Variants in PSD3 observed in about 807,000 individuals in gnomAD.
PSD3 encodes PH and SEC7 domain-containing protein 3.
Under a neutral mutation model 105.5 loss-of-function variants are expected in PSD3, and 49 were observed. The observed-to-expected ratio is 0.46, with a 90% CI of 0.37 to 0.59. PSD3 has a LOEUF of 0.59. PSD3 is among the 20% of genes least tolerant of loss of function. PSD3 has a pLI of 0.00. For synonymous variants in PSD3, 557 were observed against 457.8 expected (o/e 1.22, Z -2.77); for missense variants, 1,561 against 1,263.8 (o/e 1.24, Z -3.57).
rs145624628 is a variant in PSD3 at position 19,022,583 on chromosome 8, G to A, written c.324+61623C>T. ...GGTCAACCCTCTCACTCTAGGTTTC[G>A]TGGGAAGAAGCAACCTCCATTGGTT... On this transcript the variant is annotated intron_variant, in intron 1 of 1. Transcript: ENST00000521475. Among the ~76,000 whole-genome samples the A allele has an allele frequency of 1.7e-3, 262 of 152,304 alleles. 2 individuals carry two copies. The highest frequency in any genetic ancestry group is 0.013 in the South Asian group (62 of 4,826).
chr8:18,769,679 T>C (rs907177608), intron 8 of PSD3, among the ~76,000 whole-genome samples: 8 of 152,204 alleles, frequency 5.3e-5, no homozygotes, highest in African/African-American at 1.9e-4. Context: ...CAAATCTGCA[T>C]TTTCTTTATA....
chr8:18,614,215 G>C (rs1805483210), intron 11 of PSD3, among the ~76,000 whole-genome samples: 1 of 152,038 alleles, frequency 6.6e-6, no homozygotes, highest in Non-Finnish European at 1.5e-5. Context: ...CTTTGGGTCA[G>C]TTAACAGCTG....
chr8:18,679,597 G>A (rs1800268639), intron 9 of PSD3, among the ~76,000 whole-genome samples: 1 of 152,214 alleles, frequency 6.6e-6, no homozygotes, highest in South Asian at 2.1e-4. Context: ...AAAATTAACA[G>A]TGTTCAGAAC....
At chr8:18,796,000 C>G (rs926245917) in intron 8 of PSD3, among the ~76,000 whole-genome samples, 1 of 152,032 alleles carries the variant, frequency 6.6e-6, no homozygotes, top group Non-Finnish European at 1.5e-5. Context: ...GATAAAGAGG[C>G]ATTTCAAAAA....
chr8:19,022,355 C>A (rs1187865360), intron 1 of PSD3, among the ~76,000 whole-genome samples: 5 of 152,218 alleles, frequency 3.3e-5, no homozygotes, highest in Non-Finnish European at 7.3e-5. Flanking sequence ...TGGAACATTT[C>A]TTCCTGCTGA....
intron 4 of PSD3, among the ~76,000 whole-genome samples, chr8:18,851,268 AAAC>A (rs1388817120): frequency 5.9e-5 from 9 of 152,366 alleles, no homozygotes; most frequent in Admixed American, 5.9e-4. Context: ...CATAGCTGGT[AAAC>A]AACAAGGCCG....
intron 1 of PSD3, among the ~76,000 whole-genome samples, chr8:18,994,683 C>A (rs373381968): frequency 4.3e-4 from 66 of 151,890 alleles, no homozygotes; most frequent in African/African-American, 1.6e-3. Context: ...AAATATATTA[C>A]CTACATTACT....
chr8:18,646,506 T>C (rs995993703), intron 10 of PSD3, among the ~76,000 whole-genome samples: 1 of 152,098 alleles, frequency 6.6e-6, no homozygotes, highest in Admixed American at 6.5e-5. Context: ...AGGATGTAAG[T>C]TCAATTCTAA....
chr8:18,906,971 T>C (rs1356080964), intron 2 of PSD3, among the ~76,000 whole-genome samples: 1 of 152,060 alleles, frequency 6.6e-6, no homozygotes. Context: ...AAAGAAAATA[T>C]AAAAACTAAA....
intron 14 of PSD3, among the ~76,000 whole-genome samples, chr8:18,561,652 C>T (rs777516068): frequency 6.6e-6 from 1 of 152,044 alleles, no homozygotes; most frequent in Non-Finnish European, 1.5e-5. Flanking sequence ...ACAATTATAC[C>T]TGGAAATACA....
chr8:19,052,201 C>T (rs1339029826), intron 1 of PSD3, among the ~76,000 whole-genome samples: 26 of 152,074 alleles, frequency 1.7e-4, no homozygotes, highest in Non-Finnish European at 1.2e-4. Flanking sequence ...TGGCCGGGCA[C>T]GGTGGCTCAC....
intron 1 of PSD3, among the ~76,000 whole-genome samples, chr8:19,033,594 G>A (rs1363341138): frequency 7.5e-6 from 1 of 133,648 alleles, no homozygotes; most frequent in Non-Finnish European, 1.6e-5. Context: ...TACCATTTAT[G>A]TTTAGCCCTT....
At chr8:18,605,136 G>A (rs909410688) in intron 11 of PSD3, among the ~76,000 whole-genome samples, 3 of 152,140 alleles carry the variant, frequency 2.0e-5, no homozygotes, top group African/African-American at 7.2e-5. Flanking sequence ...TAGAGCCACT[G>A]ACAGCTTGCA....
At chr8:18,614,656 A>G (rs1036020869) in intron 11 of PSD3, among the ~76,000 whole-genome samples, 2 of 152,128 alleles carry the variant, frequency 1.3e-5, no homozygotes, top group Non-Finnish European at 2.9e-5. Flanking sequence ...AACAAATGAC[A>G]TTTCATATAC....
At chr8:18,615,935 TC>T (rs1805627416) in intron 11 of PSD3, among the ~76,000 whole-genome samples, 3 of 152,238 alleles carry the variant, frequency 2.0e-5, no homozygotes, top group Admixed American at 2.0e-4. Context: ...TTAAAATGCC[TC>T]CGGGCAAAAA....
chr8:18,916,339 TATATATATATACAC>T (rs1820596687), intron 2 of PSD3, among the ~76,000 whole-genome samples: 1 of 45,490 alleles, frequency 2.2e-5, no homozygotes, highest in Non-Finnish European at 3.9e-5. Context: ...TATATATATA[TATATATATATACAC>T]ACACACACAC....
At chr8:18,783,824 G>A (rs1192610835) in intron 8 of PSD3, among the ~76,000 whole-genome samples, 3 of 152,124 alleles carry the variant, frequency 2.0e-5, no homozygotes, top group African/African-American at 7.2e-5. Flanking sequence ...AAGTAGAGAT[G>A]GCATTTCACC....
chr8:18,751,379 T>A (rs1222530848), intron 9 of PSD3, among the ~76,000 whole-genome samples: 1 of 152,172 alleles, frequency 6.6e-6, no homozygotes, highest in Non-Finnish European at 1.5e-5. Context: ...TCAAAAGACA[T>A]CACCAGAGGA....
At chr8:18,958,704 T>G (rs780328701) in intron 1 of PSD3, among the ~76,000 whole-genome samples, 1 of 152,176 alleles carries the variant, frequency 6.6e-6, no homozygotes, top group Non-Finnish European at 1.5e-5. Context: ...AAAACCCATA[T>G]GGTTAGCAGA....
Sources: gnomAD v4.1 joint callset for allele counts (sites outside exome capture counted in the v4.1 genomes callset) on GRCh38, gnomAD v4.1.1 for gene constraint, MANE v1.5 for transcripts, NCBI Gene and HGNC (gene_info 2026-07-23, HGNC 2026-07-21) for gene names.